SLC13A1: variants seen among roughly 807,000 people sequenced by gnomAD.
SLC13A1 encodes Na(+)/sulfate cotransporter.
A neutral mutation model predicts 70.0 loss-of-function variants in SLC13A1; 65 were observed. That is an observed-to-expected ratio of 0.93 (90% confidence interval 0.76 to 1.14). SLC13A1 has a LOEUF of 1.14. Ranked by LOEUF, SLC13A1 falls within the 50% of genes most tolerant of loss-of-function variation. The pLI is 0.00. For missense variants in SLC13A1, 726 were observed against 717.8 expected (o/e 1.01, Z -0.13); for synonymous variants, 275 against 250.5 (o/e 1.10, Z -0.92).
chr7:123,193,323 A>G (rs910327127), intron 1 of SLC13A1, among the ~76,000 whole-genome samples: 10 of 151,914 alleles, frequency 6.6e-5, no homozygotes, highest in Non-Finnish European at 1.5e-4. Flanking sequence ...AAAAAAAAAA[A>G]TCAGCCAAGG....
chr7:123,129,353 TGTGTGTGTGTGTG>T lies in SLC13A1; in HGVS notation c.1031+17_1031+29del, dbSNP rs773276187. Reference sequence around the variant, plus strand: ...GTGTGTGTGTGTGTGTGTGTGTGTGTGTGTGTGTGTGTGTGTGTGTTTGTCTTACCTTATTGGC... The same window carrying T: ...GTGTGTGTGTGTGTGTGTGTGTGTGTTGTGTGTTTGTCTTACCTTATTGGC... On this transcript the variant is annotated intron_variant, in intron 9 of 14. Coordinates refer to ENST00000194130, the MANE Select transcript of SLC13A1 (RefSeq NM_022444.4). 4 of 1,132,852 alleles carry T rather than the reference TGTGTGTGTGTGTG, an allele frequency of 3.5e-6. No homozygotes were observed. The highest frequency in any genetic ancestry group is 5.2e-6 in the Non-Finnish European group (4 of 775,810). 70.2% of individuals were successfully genotyped at this position (1,132,852 alleles called of 1,614,324 possible).
chr7:123,133,413 C>A (rs188702239), intron 8 of SLC13A1, among the ~76,000 whole-genome samples: 1 of 152,114 alleles, frequency 6.6e-6, no homozygotes, highest in African/African-American at 2.4e-5. Flanking sequence ...AGTGGAGGGG[C>A]AAACCTTAAA....
intron 6 of SLC13A1, among the ~76,000 whole-genome samples, chr7:123,158,066 A>G (rs1416305815): frequency 1.3e-5 from 2 of 152,126 alleles, no homozygotes; most frequent in African/African-American, 2.4e-5. Flanking sequence ...CATAGGACTT[A>G]AAGAATTTCC....
At chr7:123,169,118 C>T (rs768130821) in intron 4 of SLC13A1, 30 bp downstream of exon 4, 3 of 1,604,482 alleles carry the variant, frequency 1.9e-6, no homozygotes, top group East Asian at 4.5e-5. Context: ...AATGACTAGA[C>T]CCCAGATTGG....
At chr7:123,125,046 T>A (rs12706488) in intron 11 of SLC13A1, among the ~76,000 whole-genome samples, 34,269 of 152,094 alleles carry the variant, frequency 0.23, 4,756 homozygotes, top group East Asian at 0.35. Flanking sequence ...TCTCCCAAAG[T>A]GCTGTGATTG....
chr7:123,162,938 A>G (rs1794960860), intron 6 of SLC13A1, among the ~76,000 whole-genome samples: 1 of 152,136 alleles, frequency 6.6e-6, no homozygotes, highest in Non-Finnish European at 1.5e-5. Flanking sequence ...AACTAATGAA[A>G]AACAATTATC....
At chr7:123,163,612 T>C (rs1207306269) in intron 6 of SLC13A1, among the ~76,000 whole-genome samples, 1 of 152,094 alleles carries the variant, frequency 6.6e-6, no homozygotes, top group Non-Finnish European at 1.5e-5. Context: ...ACAAGAATTT[T>C]AGAGCTGATA....
chr7:123,121,007 T>C (rs1036492589), intron 12 of SLC13A1, among the ~76,000 whole-genome samples: 3 of 152,088 alleles, frequency 2.0e-5, no homozygotes, highest in Admixed American at 2.0e-4. Flanking sequence ...AAGAAATTTC[T>C]TGTGTTATTT....
At position 123,169,281 on chromosome 7, in the gene SLC13A1, G is replaced by A. The variant is rs1028189271; in HGVS notation, c.420C>T (p.Asn140=). 27 of 1,613,702 alleles carry A rather than the reference G, an allele frequency of 1.7e-5. No homozygotes were observed. Among genetic ancestry groups the A allele is most frequent in the Non-Finnish European group, 2.3e-5 (27 of 1,180,000 alleles). The change falls in exon 4 of 15, where the codon AAC becomes AAT. Residue 140 remains asparagine (N), a synonymous_variant. Coordinates refer to ENST00000194130, the MANE Select transcript of SLC13A1 (RefSeq NM_022444.4). ...GCATCACCATGGCAGCCGTCGAGGT[G>A]TTGCTGAGCCACATAGACAAAAAGG... ...STAFLSMWLS[N]TSTAAMVMPI...
At chr7:123,197,552 T>A (rs1037695479) in intron 1 of SLC13A1, among the ~76,000 whole-genome samples, 3 of 152,126 alleles carry the variant, frequency 2.0e-5, no homozygotes, top group East Asian at 3.9e-4. Flanking sequence ...ATAATAGTCT[T>A]TCAGTTTAAT....
chr7:123,162,080 T>C (rs1353413469), intron 6 of SLC13A1, among the ~76,000 whole-genome samples: 2 of 151,880 alleles, frequency 1.3e-5, no homozygotes, highest in Admixed American at 1.3e-4. Context: ...AGAACACTGT[T>C]GAGTATTTCA....
intron 1 of SLC13A1, chr7:123,190,507 A>G (rs1489957289): frequency 4.0e-5 from 18 of 455,288 alleles, no homozygotes; most frequent in Non-Finnish European, 3.1e-5. Context: ...TTAAATTCTG[A>G]GACTGGTCAC....
At chr7:123,149,207 A>T (rs1029062772) in intron 6 of SLC13A1, among the ~76,000 whole-genome samples, 1 of 152,074 alleles carries the variant, frequency 6.6e-6, no homozygotes, top group South Asian at 2.1e-4. Context: ...CTTTCAAATG[A>T]TCCCACATGA....
chr7:123,164,690 G>C (rs1416717503), intron 6 of SLC13A1, among the ~76,000 whole-genome samples: 2 of 151,568 alleles, frequency 1.3e-5, no homozygotes, highest in African/African-American at 2.4e-5. Flanking sequence ...GCTGTGTTGA[G>C]GGAAATTCAT....
At chr7:123,152,097 G>A (rs1794577575) in intron 6 of SLC13A1, among the ~76,000 whole-genome samples, 1 of 152,074 alleles carries the variant, frequency 6.6e-6, no homozygotes, top group Admixed American at 6.6e-5. Context: ...TTGTCTTCTT[G>A]TGTTTGTGTA....
intron 7 of SLC13A1, among the ~76,000 whole-genome samples, chr7:123,146,005 CTG>C (rs1794335637): frequency 6.6e-6 from 1 of 152,122 alleles, no homozygotes; most frequent in African/African-American, 2.4e-5. Flanking sequence ...TCAATTGTGT[CTG>C]TCTTCTTGAA....
chr7:123,166,316 C>A (rs1281151933), intron 6 of SLC13A1, among the ~76,000 whole-genome samples: 1 of 152,026 alleles, frequency 6.6e-6, no homozygotes, highest in Admixed American at 6.6e-5. Flanking sequence ...AAGATGACCA[C>A]AAGAAATTTA....
chr7:123,115,431 G>C lies in SLC13A1; in HGVS notation c.*87C>G. The C allele has an allele frequency of 7.5e-7, 1 of 1,333,772 alleles. No homozygotes were observed. Among genetic ancestry groups the C allele is most frequent in the Non-Finnish European group, 1.1e-6 (1 of 950,078 alleles). 82.6% of individuals were successfully genotyped at this position (1,333,772 alleles called of 1,614,324 possible). A position where few individuals can be genotyped will look rare whatever the true frequency, so the allele number is the denominator to read the frequency against. The stretch of plus-strand genomic sequence containing the variant: ...TACACCATAACTGATTTAAATGTGT[G>C]TCATTAGTTATTTAGAGCCACATTT... On this transcript the variant is annotated 3_prime_UTR_variant, in exon 15 of 15. Coordinates refer to ENST00000194130, the MANE Select transcript of SLC13A1 (RefSeq NM_022444.4).
chr7:123,168,958 A>T (rs992887957), intron 4 of SLC13A1, among the ~76,000 whole-genome samples, 190 bp downstream of exon 4: 1 of 152,208 alleles, frequency 6.6e-6, no homozygotes, highest in Non-Finnish European at 1.5e-5. Flanking sequence ...AGCAAATAGA[A>T]ATGTAACAAT....
Sources: gnomAD v4.1 joint callset for allele counts (sites outside exome capture counted in the v4.1 genomes callset) on GRCh38, gnomAD v4.1.1 for gene constraint, MANE v1.5 for transcripts, NCBI Gene and HGNC (gene_info 2026-07-23, HGNC 2026-07-21) for gene names.